The following ENOX1 variants were observed in gnomAD, a reference collection of about 807,000 sequenced individuals.
ENOX1 encodes candidate growth-related and time keeping constitutive hydroquinone (NADH) oxidase.
ENOX1 carries 42 observed loss-of-function variants against 82.5 expected under a neutral mutation model. The observed-to-expected ratio is 0.51, with a 90% confidence interval of 0.40 to 0.66. The LOEUF (loss-of-function observed/expected upper bound fraction) is 0.66. Among genes scored for constraint, ENOX1 ranks in the 30% least tolerant of loss-of-function variants. The probability of loss-of-function intolerance (pLI) is 0.00; values close to 1 mark genes in which losing one functional copy is unlikely to be tolerated. For synonymous variants in ENOX1, 271 were observed against 282.2 expected (o/e 0.96, Z 0.40); for missense variants, 608 against 811.6 (o/e 0.75, Z 3.05).
At chr13:43,619,948 T>A (rs2082651066) in intron 2 of ENOX1, among the ~76,000 whole-genome samples, 1 of 152,182 alleles carries the variant, frequency 6.6e-6, no homozygotes, top group Non-Finnish European at 1.5e-5. Flanking sequence ...ATTGGTCTGT[T>A]CAGGGTATCT....
At chr13:43,694,685 A>T (rs2086545952) in intron 1 of ENOX1, among the ~76,000 whole-genome samples, 1 of 152,210 alleles carries the variant, frequency 6.6e-6, no homozygotes, top group Admixed American at 6.5e-5. Context: ...ATTTTAATTT[A>T]TGGTTAATCT....
chr13:43,512,354 G>A (rs984143364), intron 2 of ENOX1, among the ~76,000 whole-genome samples: 4 of 152,040 alleles, frequency 2.6e-5, no homozygotes, highest in African/African-American at 9.7e-5. Context: ...AAGCTGGCAA[G>A]AAGCACTCAA....
chr13:43,301,714 T>C (rs1016705807), intron 11 of ENOX1, among the ~76,000 whole-genome samples: 1 of 152,194 alleles, frequency 6.6e-6, no homozygotes, highest in African/African-American at 2.4e-5. Flanking sequence ...GTTACTCATG[T>C]GGCAGCAAGT....
chr13:43,268,283 A>G (rs2044496320), intron 13 of ENOX1, among the ~76,000 whole-genome samples: 1 of 152,148 alleles, frequency 6.6e-6, no homozygotes, highest in Non-Finnish European at 1.5e-5. Context: ...TCTTTTCATA[A>G]TATAACAGTG....
Position 43,675,625 on chromosome 13 carries a change from G to T in ENOX1, c.-284-8081C>A, listed in dbSNP as rs904857324. Among the ~76,000 whole-genome samples the T allele has an allele frequency of 7.2e-5, 11 of 152,184 alleles. No homozygotes were observed. In the East Asian group the frequency reaches 7.7e-4, roughly 11 times the overall value. The stretch of plus-strand genomic sequence containing the variant: ...ATCTTTCGAAGAACAGAGAGGCAGG[G>T]TTGTTATTGTTGTCCCAATTAACAT... On this transcript the variant is annotated intron_variant, in intron 1 of 16. Coordinates refer to ENST00000690772, the MANE Select transcript of ENOX1 (RefSeq NM_001347969.2).
At chr13:43,296,689 A>G (rs541764497) in intron 12 of ENOX1, among the ~76,000 whole-genome samples, 1 of 152,314 alleles carries the variant, frequency 6.6e-6, no homozygotes, top group East Asian at 1.9e-4. Context: ...TGGACCAGGC[A>G]CGTGGCTCCT....
chr13:43,450,052 C>T (rs118088479), intron 3 of ENOX1, among the ~76,000 whole-genome samples: 105 of 152,250 alleles, frequency 6.9e-4, no homozygotes, highest in Admixed American at 2.5e-3. Flanking sequence ...ATTTCGGAAG[C>T]GTCCAAAGCT....
chr13:43,428,769 G>A (rs2055479117), intron 3 of ENOX1, among the ~76,000 whole-genome samples: 1 of 152,180 alleles, frequency 6.6e-6, no homozygotes, highest in African/African-American at 2.4e-5. Flanking sequence ...GGGAATAGGA[G>A]CTACAGAAAC....
intron 2 of ENOX1, among the ~76,000 whole-genome samples, chr13:43,492,521 T>A (rs2076655267): frequency 6.6e-6 from 1 of 152,184 alleles, no homozygotes; most frequent in Non-Finnish European, 1.5e-5. Context: ...GATAAATGCT[T>A]ACATTAGAAC....
In ENOX1 at chr13:43,676,364, A is replaced by G. The variant is rs147989723; in HGVS notation, c.-284-8820T>C. The stretch of plus-strand genomic sequence containing the variant: ...ACACATGCTAGGGGCAGGACTGGGA[A>G]GCCTGGACACTTTGTTTAGTCTGTA... On this transcript the variant is annotated intron_variant, in intron 1 of 16. Coordinates refer to ENST00000690772, the MANE Select transcript of ENOX1 (RefSeq NM_001347969.2). Among the ~76,000 whole-genome samples, 97 of 152,334 alleles carry G rather than the reference A, an allele frequency of 6.4e-4. 1 individual carries two copies. The East Asian group carries it at 0.014, about 22-fold the overall frequency.
intron 3 of ENOX1, among the ~76,000 whole-genome samples, chr13:43,446,181 C>A (rs1346954069): frequency 6.8e-6 from 1 of 146,760 alleles, no homozygotes. Flanking sequence ...TTTTTTTTTT[C>A]ATTAAGTGCC....
chr13:43,246,896 C>T (rs983675798), intron 14 of ENOX1, among the ~76,000 whole-genome samples: 5 of 152,106 alleles, frequency 3.3e-5, no homozygotes, highest in Admixed American at 1.3e-4. Context: ...TGGAAAGAAG[C>T]CATTCTGAAG....
At chr13:43,557,185 G>A (rs1379817912) in intron 2 of ENOX1, among the ~76,000 whole-genome samples, 1 of 152,184 alleles carries the variant, frequency 6.6e-6, no homozygotes, top group East Asian at 1.9e-4. Context: ...TAGAGAGTCA[G>A]GAGAATTCTG....
chr13:43,386,650 C>T lies in ENOX1; in HGVS notation c.209-25198G>A, dbSNP rs562195877. Among the ~76,000 whole-genome samples the T allele has an allele frequency of 9.9e-5, 15 of 152,152 alleles. No homozygotes were observed. In the East Asian group the frequency reaches 2.5e-3, roughly 25 times the overall value. On this transcript the variant is annotated intron_variant, in intron 5 of 16. Transcript: ENST00000690772. ...TAAAATGGTAAGCATTGTGTTTGAA[C>T]GATTAAAAAATCAGAAATAAAATTA...
At chr13:43,366,526 T>A (rs1343458723) in intron 5 of ENOX1, among the ~76,000 whole-genome samples, 2 of 152,242 alleles carry the variant, frequency 1.3e-5, no homozygotes, top group Non-Finnish European at 2.9e-5. Flanking sequence ...TCTGCCTGCC[T>A]TGGCCTCCCA....
intron 3 of ENOX1, among the ~76,000 whole-genome samples, chr13:43,471,299 G>A (rs2058056437): frequency 6.6e-6 from 1 of 151,980 alleles, no homozygotes; most frequent in African/African-American, 2.4e-5. Flanking sequence ...ATACTGGGAG[G>A]GGCCTGCAGG....
intron 13 of ENOX1, 68 bp downstream of exon 13, chr13:43,269,402 C>T (rs779669081): frequency 2.7e-4 from 317 of 1,190,382 alleles, no homozygotes; most frequent in Non-Finnish European, 3.7e-4. Context: ...GCACGGGTGA[C>T]GCACAAGGGA....
chr13:43,234,522 C>T (rs528043672), intron 15 of ENOX1, among the ~76,000 whole-genome samples: 1 of 152,166 alleles, frequency 6.6e-6, no homozygotes, highest in Non-Finnish European at 1.5e-5. Flanking sequence ...CTCTTTTGCT[C>T]TACTCCTAAC....
At chr13:43,385,039 A>C (rs940746148) in intron 5 of ENOX1, among the ~76,000 whole-genome samples, 1 of 152,178 alleles carries the variant, frequency 6.6e-6, no homozygotes, top group African/African-American at 2.4e-5. Context: ...GCACTACTGG[A>C]ACTGGAAGGA....
Sources: gnomAD v4.1 joint callset for allele counts (sites outside exome capture counted in the v4.1 genomes callset) on GRCh38, gnomAD v4.1.1 for gene constraint, MANE v1.5 for transcripts, NCBI Gene and HGNC (gene_info 2026-07-23, HGNC 2026-07-21) for gene names.